The following EPOR variants were observed in gnomAD, a reference collection of about 807,000 sequenced individuals.
The protein encoded by EPOR is erythropoietin receptor.
EPOR carries 20 observed loss-of-function variants against 34.3 expected under a neutral mutation model. The observed-to-expected ratio is 0.58, with a 90% confidence interval of 0.41 to 0.85. The LOEUF (loss-of-function observed/expected upper bound fraction) is 0.85, where lower values mean the gene tolerates loss of function less well. Among genes scored for constraint, EPOR ranks in the 40% least tolerant of loss-of-function variants. The probability of loss-of-function intolerance (pLI) is 0.00; values close to 1 mark genes in which losing one functional copy is unlikely to be tolerated. For missense variants in EPOR, 601 were observed against 672.7 expected (o/e 0.89, Z 1.18); for synonymous variants, 312 against 299.0 (o/e 1.04, Z -0.45).
At chr19:11,380,744 TCC>T in intron 6 of EPOR, 138 bp downstream of exon 6, 1 of 724,900 alleles carries the variant, frequency 1.4e-6, no homozygotes. Context: ...CTGGCATGCA[TCC>T]CAGCCCTGCC....
chr19:11,377,790 T>G lies in EPOR; in HGVS notation c.*194A>C, dbSNP rs142688979. 5.0e-4 allele frequency: 369 copies of G among 734,404 alleles called. No individual in the cohort carries two copies. In the African/African-American group the frequency reaches 5.6e-3, roughly 11 times the overall value. The allele number at this position is 734,404 out of a possible 1,614,324, so 45.5% of individuals were successfully genotyped here. A position where few individuals can be genotyped will look rare whatever the true frequency, so the allele number is the denominator to read the frequency against. On this transcript the variant is annotated 3_prime_UTR_variant, in exon 8 of 8. Transcript: ENST00000222139. ...ACATACATATGTGTATATATATATA[T>G]AGATACAAAAAAAAACTATACATAT...
Position 11,382,809 on chromosome 19 carries a change from C to G in EPOR, c.251+288G>C, listed in dbSNP as rs752970472. On this transcript the variant is annotated intron_variant, in intron 2 of 7. Transcript: ENST00000222139. Reference sequence around the variant, plus strand: ...GCTGGCCTCCTTTTGGATACTACCTCGAGAAGGCGTCCCAGCCCCGACGTA... The same window carrying G: ...GCTGGCCTCCTTTTGGATACTACCTGGAGAAGGCGTCCCAGCCCCGACGTA... 76 of 1,399,666 alleles carry G rather than the reference C, an allele frequency of 5.4e-5. 1 individual carries two copies. In the South Asian group the frequency reaches 9.5e-4, roughly 18 times the overall value. The allele number at this position is 1,399,666 out of a possible 1,614,324, so 86.7% of individuals were successfully genotyped here.
rs1184974333 is a variant in EPOR, at chr19:11,381,301, G to C, written c.586-92C>G. 4 of 1,404,414 alleles carry C rather than the reference G, an allele frequency of 2.8e-6. No individual in the cohort carries two copies. In the East Asian group the frequency reaches 9.9e-5, roughly 35 times the overall value. 87.0% of individuals were successfully genotyped at this position (1,404,414 alleles called of 1,614,324 possible). A position where few individuals can be genotyped will look rare whatever the true frequency, so the allele number is the denominator to read the frequency against. On this transcript the variant is annotated intron_variant, in intron 4 of 7. Transcript: ENST00000222139. This position sits in a 1 kb window ranked among gnomAD's most constrained non-coding sequence, Gnocchi z 5.3. ...GTGGAACTGAGCCAATCAGGGGAAA[G>C]GAAAACGGTGCCCTAGAATTGCAAT...
chr19:11,382,128 A>G, intron 2 of EPOR, 23 bp from the exon 3 acceptor site: 1 of 1,607,724 alleles, frequency 6.2e-7, no homozygotes, highest in Non-Finnish European at 8.5e-7. Flanking sequence ...GGAAGGGAGC[A>G]GGTTGGGAGG....
In EPOR at chr19:11,378,372, G is replaced by A. The variant is rs199645071; in HGVS notation, c.1139C>T (p.Pro380Leu). The change falls in exon 8 of 8, where the codon CCG (proline) becomes CTG (leucine). Residue 380 changes from proline (P) to leucine (L), a missense_variant. Coordinates refer to ENST00000222139, the MANE Select transcript of EPOR (RefSeq NM_000121.4). This position sits in a 1 kb window ranked among gnomAD's most constrained non-coding sequence, Gnocchi z 5.3. ...VLDKWLLPRN[P>L]PSEDLPGPGG... ...AGGCCCTGGGAGGTCCTCACTGGGC[G>A]GGTTCCGGGGCAGCAACCATTTGTC... 1.5e-4 allele frequency: 236 copies of A among 1,613,336 alleles called. 3 individuals carry two copies. The Middle Eastern group carries it at 3.8e-3, about 26-fold the overall frequency.
Position 11,381,718 on chromosome 19 carries a change from C to A in EPOR, c.559G>T (p.Gly187Cys), listed in dbSNP as rs775215856. 18 of 1,610,686 alleles carry A rather than the reference C, an allele frequency of 1.1e-5. No individual in the cohort carries two copies. Among genetic ancestry groups the A allele is most frequent in the Non-Finnish European group, 1.4e-5 (16 of 1,178,808 alleles). Residue 187 changes from glycine to cysteine, a missense_variant, in exon 4 of 8, where the codon GGC (glycine) becomes TGC (cysteine). Transcript: ENST00000222139. The surrounding 1 kb of genome is among the most constrained non-coding windows in gnomAD (Gnocchi z 5.3). ...CTCTGTACGCTCCCTGCGCCGTTGC[C>A]GGCCGAGACGTCCACCTCGTAGCGG... ...HIRYEVDVSA[G>C]NGAGSVQRVE...
intron 6 of EPOR, among the ~76,000 whole-genome samples, chr19:11,379,015 C>CA (rs1968321268): frequency 6.6e-6 from 1 of 152,128 alleles, no homozygotes; most frequent in African/African-American, 2.4e-5. Context: ...ATACCTTGGT[C>CA]ATTCTCCCTT....
chr19:11,382,395 C>T (rs1484013526), intron 2 of EPOR, among the ~76,000 whole-genome samples: 12 of 147,216 alleles, frequency 8.2e-5, no homozygotes, highest in Non-Finnish European at 1.5e-4. Flanking sequence ...CGGAGTTTCG[C>T]TCTTGTTGCC....
In EPOR at chr19:11,383,237, G is replaced by C. The variant is rs1302978579; in HGVS notation, c.116-5C>G. 3.1e-6 allele frequency: 5 copies of C among 1,590,618 alleles called. No homozygotes were observed. Among genetic ancestry groups the C allele is most frequent in the Non-Finnish European group, 4.3e-6 (5 of 1,170,752 alleles). ...CCCGGGCCGCCAGCAAGGCCGCTGG[G>C]GAGGGGCGACAAAGGAAGGGCATGG... On this transcript the variant is annotated splice_region_variant and splice_polypyrimidine_tract_variant and intron_variant, in intron 1 of 7. Transcript: ENST00000222139. This position sits in a 1 kb window ranked among gnomAD's most constrained non-coding sequence, Gnocchi z 4.9.
At position 11,383,019 on chromosome 19, in the gene EPOR, T is replaced by A. The variant is rs778504065; in HGVS notation, c.251+78A>T. The A allele has an allele frequency of 1.9e-6, 3 of 1,607,240 alleles. No individual in the cohort carries two copies. Among genetic ancestry groups the A allele is most frequent in the Admixed American group, 3.3e-5 (2 of 59,946 alleles). On this transcript the variant is annotated intron_variant, in intron 2 of 7. Transcript: ENST00000222139. This position sits in a 1 kb window ranked among gnomAD's most constrained non-coding sequence, Gnocchi z 4.9. ...GTCGGGCCTCAAACAGCAGGGGACA[T>A]ACGAGGCTACGACCTCCAGGGAGCT...
intron 1 of EPOR, 91 bp downstream of exon 1, chr19:11,384,002 G>T: frequency 1.1e-6 from 1 of 892,952 alleles, no homozygotes; most frequent in Non-Finnish European, 1.8e-6. Flanking sequence ...TCCAGAAACA[G>T]GCATGGCCCC....
At position 11,381,463 on chromosome 19, in the gene EPOR, G is replaced by A; in HGVS notation, c.585+229C>T. ...CGTAGAGGGACCCGGGCGCTAAAGGGGTCTAGGGTTACGGGCCGGAGGGAG... is the reference window on the plus strand; with the variant it reads ...CGTAGAGGGACCCGGGCGCTAAAGGAGTCTAGGGTTACGGGCCGGAGGGAG... On this transcript the variant is annotated intron_variant, in intron 4 of 7. Coordinates refer to ENST00000222139, the MANE Select transcript of EPOR (RefSeq NM_000121.4). This position sits in a 1 kb window ranked among gnomAD's most constrained non-coding sequence, Gnocchi z 5.3. 1 of 674,056 alleles carries A rather than the reference G, an allele frequency of 1.5e-6. No homozygotes were observed. Among genetic ancestry groups the A allele is most frequent in the Non-Finnish European group, 2.5e-6 (1 of 400,936 alleles). The allele number at this position is 674,056 out of a possible 1,614,324, so 41.8% of individuals were successfully genotyped here.
At position 11,378,429 on chromosome 19, in the gene EPOR, C is replaced by T. The variant is rs569851700; in HGVS notation, c.1082G>A (p.Ser361Asn). The T allele has an allele frequency of 5.0e-6, 8 of 1,614,090 alleles. No individual in the cohort carries two copies. The East Asian group carries it at 1.6e-4, about 31-fold the overall frequency. Residue 361 changes from serine (S) to asparagine (N), a missense_variant, in exon 8 of 8, where the codon AGT (serine) becomes AAT (asparagine). Ser to Asn is a conservative substitution (Grantham distance 46). Coordinates refer to ENST00000222139, the MANE Select transcript of EPOR (RefSeq NM_000121.4). The surrounding 1 kb of genome is among the most constrained non-coding windows in gnomAD (Gnocchi z 5.3). ...DEGPLLEPVGSEHAQDTYLVL... is the reference protein window; with the variant it reads ...DEGPLLEPVGNEHAQDTYLVL... The stretch of plus-strand genomic sequence containing the variant: ...CAGATAGGTATCCTGGGCATGCTCA[C>T]TGCCCACTGGCTCCAGCAGGGGGCC...
rs1482132387 is a variant in EPOR, at chr19:11,383,632, C to T, written c.116-400G>A. The T allele has an allele frequency of 8.1e-6, 2 of 245,584 alleles. No homozygotes were observed. The highest frequency in any genetic ancestry group is 1.1e-4 in the South Asian group (2 of 18,430). 15.2% of individuals were successfully genotyped at this position (245,584 alleles called of 1,614,324 possible). ...CAACCGATAGCGCCAACCGTGCCCC[C>T]CGCCTCCCTCCCTCCACCGGGCCGG... is the stretch of plus-strand genomic sequence containing the variant. On this transcript the variant is annotated intron_variant, in intron 1 of 7. Transcript: ENST00000222139. This position sits in a 1 kb window ranked among gnomAD's most constrained non-coding sequence, Gnocchi z 4.9.
At chr19:11,384,020 T>G (rs1008031153) in intron 1 of EPOR, 73 bp downstream of exon 1, 1 of 987,422 alleles carries the variant, frequency 1.0e-6, no homozygotes, top group African/African-American at 1.6e-5. Context: ...CCCCAGGACC[T>G]AGGCTGGGAG....
Position 11,378,106 on chromosome 19 carries a change from TGTA to T in EPOR, c.1402_1404del (p.Tyr468del), listed in dbSNP as rs1968306949. 6.2e-7 allele frequency: 1 copy of T among 1,614,028 alleles called. No individual in the cohort carries two copies. Among genetic ancestry groups the T allele is most frequent in the Non-Finnish European group, 8.5e-7 (1 of 1,179,994 alleles). The stretch of plus-strand genomic sequence containing the variant: ...TGGGCTCCCTGGGAGTCCCCTGAGC[TGTA>T]GTCAGTTGAGATGCCAGAGTCAGAT... On this transcript the variant is annotated inframe_deletion, in exon 8 of 8. Transcript: ENST00000222139. This position sits in a 1 kb window ranked among gnomAD's most constrained non-coding sequence, Gnocchi z 5.3.
chr19:11,382,876 C>G, intron 2 of EPOR: 1 of 1,521,232 alleles, frequency 6.6e-7, no homozygotes, highest in Non-Finnish European at 8.8e-7. Context: ...TTATCCCAGC[C>G]TGATGTTTGG....
chr19:11,380,384 G>C, intron 6 of EPOR, among the ~76,000 whole-genome samples: 1 of 152,230 alleles, frequency 6.6e-6, no homozygotes, highest in Non-Finnish European at 1.5e-5. Context: ...GGCCATGAAA[G>C]ACGACTAGAA....
In EPOR at chr19:11,384,112, G is replaced by A. The variant is rs547061237; in HGVS notation, c.96C>T (p.Asp32=). The A allele has an allele frequency of 2.0e-5, 31 of 1,550,240 alleles. 1 individual carries two copies. In the South Asian group the frequency reaches 3.0e-4, roughly 15 times the overall value. ...CCTTACCTTTGCTCTCGAACTTGGG[G>A]TCCGGGAGGTTAGGCGGGGGCGCCC... ...AAWAPPPNLP[D]PKFESKAALL... Residue 32 remains aspartate, a synonymous_variant, in exon 1 of 8, where the codon GAC becomes GAT. Transcript: ENST00000222139.
Sources: allele counts gnomAD v4.1 joint callset (sites outside exome capture counted in the v4.1 genomes callset), GRCh38; gene constraint gnomAD v4.1.1; non-coding constraint Gnocchi (gnomAD v3.1); transcripts MANE v1.5; gene names NCBI Gene and HGNC (gene_info 2026-07-23, HGNC 2026-07-21).